Variants in SLC44A5 observed in about 807,000 individuals in gnomAD.
SLC44A5 encodes solute carrier family 44 member 5.
SLC44A5 carries 57 observed loss-of-function variants against 101.8 expected under a neutral mutation model. The observed-to-expected ratio is 0.56, with a 90% CI of 0.45 to 0.70. The LOEUF is 0.70. Ranked by LOEUF, SLC44A5 falls within the 30% of genes least tolerant of loss-of-function variation. The pLI, the probability that SLC44A5 is intolerant of heterozygous loss-of-function variation, is 0.00. For synonymous variants in SLC44A5, 281 were observed against 290.9 expected (o/e 0.97, Z 0.35); for missense variants, 737 against 853.1 (o/e 0.86, Z 1.70).
At chr1:75,483,007 A>G (rs1227488172) in intron 2 of SLC44A5, among the ~76,000 whole-genome samples, 3 of 152,248 alleles carry the variant, frequency 2.0e-5, no homozygotes, top group Non-Finnish European at 1.5e-5. Flanking sequence ...TTATGGTAAA[A>G]ATACAATAAA....
At chr1:75,587,903 T>C (rs1375009121) in intron 1 of SLC44A5, among the ~76,000 whole-genome samples, 1 of 152,088 alleles carries the variant, frequency 6.6e-6, no homozygotes, top group Non-Finnish European at 1.5e-5. Flanking sequence ...CAGGTTCCCC[T>C]GCTCTCACTC....
intron 2 of SLC44A5, among the ~76,000 whole-genome samples, chr1:75,409,679 G>A (rs922935986): frequency 1.3e-5 from 2 of 151,632 alleles, no homozygotes; most frequent in African/African-American, 2.4e-5. Flanking sequence ...TAAAATTATT[G>A]ATATTTCAGG....
intron 1 of SLC44A5, among the ~76,000 whole-genome samples, chr1:75,595,101 A>G (rs1674560140): frequency 6.6e-6 from 1 of 152,072 alleles, no homozygotes; most frequent in African/African-American, 2.4e-5. Context: ...GAAGAAAGAA[A>G]GGGAGGTAGG....
intron 2 of SLC44A5, among the ~76,000 whole-genome samples, chr1:75,417,522 C>A (rs934328139): frequency 1.3e-5 from 2 of 152,162 alleles, no homozygotes; most frequent in African/African-American, 4.8e-5. Flanking sequence ...GACTAAATAA[C>A]TATGTCTAAT....
At chr1:75,577,669 GTTTTA>G (rs1253679643) in intron 1 of SLC44A5, among the ~76,000 whole-genome samples, 1 of 152,082 alleles carries the variant, frequency 6.6e-6, no homozygotes, top group Non-Finnish European at 1.5e-5. Flanking sequence ...CACACTATAT[GTTTTA>G]TTTATTAATT....
intron 1 of SLC44A5, among the ~76,000 whole-genome samples, chr1:75,609,722 A>G (rs1675539544): frequency 6.6e-6 from 1 of 152,102 alleles, no homozygotes; most frequent in African/African-American, 2.4e-5. Flanking sequence ...CCAATTCACT[A>G]AATAGGAAAG....
intron 2 of SLC44A5, among the ~76,000 whole-genome samples, chr1:75,416,360 C>T (rs1354019839): frequency 6.6e-6 from 1 of 152,194 alleles, no homozygotes; most frequent in Non-Finnish European, 1.5e-5. Flanking sequence ...GCACAGAAGT[C>T]AAGAACTGGG....
intron 2 of SLC44A5, among the ~76,000 whole-genome samples, chr1:75,479,531 A>AGAATCAAAT (rs1667682556): frequency 6.6e-6 from 1 of 152,240 alleles, no homozygotes; most frequent in Non-Finnish European, 1.5e-5. Context: ...AAAAGAGAGA[A>AGAATCAAAT]GAATCAAATA....
At chr1:75,465,636 T>A (rs1301195550) in intron 2 of SLC44A5, among the ~76,000 whole-genome samples, 1 of 151,558 alleles carries the variant, frequency 6.6e-6, no homozygotes, top group African/African-American at 2.4e-5. Flanking sequence ...CAAACCTTTA[T>A]CCAGACTAAG....
At chr1:75,688,403 C>T in the SLC44A5 span, among the ~76,000 whole-genome samples, 1 of 152,156 alleles carries the variant, frequency 6.6e-6, no homozygotes, top group African/African-American at 2.4e-5. Flanking sequence ...ACTTTTTGGA[C>T]ACAGCAAGAT....
At chr1:75,722,914 T>G in the SLC44A5 span, among the ~76,000 whole-genome samples, 482 of 152,368 alleles carry the variant, frequency 3.2e-3, 2 homozygotes, top group Non-Finnish European at 4.0e-3. Context: ...CTTTGTGCTC[T>G]TAGCTGCCAC....
intron 7 of SLC44A5, among the ~76,000 whole-genome samples, chr1:75,247,557 A>G (rs527402124): frequency 4.6e-5 from 7 of 152,226 alleles, no homozygotes; most frequent in East Asian, 1.9e-4. Flanking sequence ...AAAAAAGTAA[A>G]TACAGACTTA....
At chr1:75,718,558 C>T in the SLC44A5 span, among the ~76,000 whole-genome samples, 11 of 152,096 alleles carry the variant, frequency 7.2e-5, no homozygotes, top group South Asian at 4.1e-4. Flanking sequence ...AACACTCTAA[C>T]GGGGATAGCA....
At chr1:75,709,393 G>GA in the SLC44A5 span, among the ~76,000 whole-genome samples, 1 of 152,284 alleles carries the variant, frequency 6.6e-6, no homozygotes, top group South Asian at 2.1e-4. Context: ...TCATTGTTAT[G>GA]AAAAACTGTT....
At chr1:75,445,925 GAAACTT>G (rs1665547841) in intron 2 of SLC44A5, among the ~76,000 whole-genome samples, 1 of 152,134 alleles carries the variant, frequency 6.6e-6, no homozygotes, top group South Asian at 2.1e-4. Context: ...GCTCGGGGAA[GAAACTT>G]AGCTTTCCCC....
At chr1:75,493,401 AAT>A (rs1451843877) in intron 2 of SLC44A5, among the ~76,000 whole-genome samples, 8 of 152,214 alleles carry the variant, frequency 5.3e-5, no homozygotes, top group Non-Finnish European at 8.8e-5. Context: ...GTGTATCATC[AAT>A]ATATGTGTAA....
At chr1:75,561,601 C>G (rs1246805235) in intron 1 of SLC44A5, among the ~76,000 whole-genome samples, 1 of 152,052 alleles carries the variant, frequency 6.6e-6, no homozygotes, top group Non-Finnish European at 1.5e-5. Context: ...TGGAAGAGTC[C>G]TACAATTGCT....
At chr1:75,581,568 T>C (rs1057146273) in intron 1 of SLC44A5, among the ~76,000 whole-genome samples, 1 of 152,210 alleles carries the variant, frequency 6.6e-6, no homozygotes, top group Admixed American at 6.5e-5. Context: ...ATAATGTATA[T>C]GGAATAAGAT....
intron 2 of SLC44A5, among the ~76,000 whole-genome samples, chr1:75,514,424 G>T (rs571546781): frequency 4.1e-4 from 62 of 152,262 alleles, no homozygotes; most frequent in Middle Eastern, 3.4e-3. Flanking sequence ...GAAGTACTCA[G>T]ATACTCTACA....
Sources: allele counts gnomAD v4.1 joint callset (sites outside exome capture counted in the v4.1 genomes callset), GRCh38; gene constraint gnomAD v4.1.1; transcripts MANE v1.5; gene names NCBI Gene and HGNC (gene_info 2026-07-23, HGNC 2026-07-21).